ARHGEF33: variants seen among roughly 807,000 people sequenced by gnomAD.
ARHGEF33 encodes DH and coiled-coil domain-containing protein ENSP00000381780.
A neutral mutation model predicts 101.9 loss-of-function variants in ARHGEF33; 72 were observed. The ratio of observed to expected loss-of-function variants is 0.71; its 90% CI spans 0.58 to 0.86. ARHGEF33 has a LOEUF of 0.86. Among genes scored for constraint, ARHGEF33 ranks in the 40% least tolerant of loss-of-function variants. The pLI, the probability that ARHGEF33 is intolerant of heterozygous loss-of-function variation, is 0.00. For missense variants in ARHGEF33, 1,169 were observed against 1,111.3 expected (o/e 1.05, Z -0.74); for synonymous variants, 499 against 442.5 (o/e 1.13, Z -1.60).
chr2:38,913,209 GAAATACGTAGTTTCCTAGGA>G (rs943259235), intron 2 of ARHGEF33, among the ~76,000 whole-genome samples: 1 of 152,014 alleles, frequency 6.6e-6, no homozygotes, highest in African/African-American at 2.4e-5. Context: ...TGAACTTAAG[GAAATACGTAGTTTCCTAGGA>G]AAATACAAGT....
At chr2:38,935,535 T>C (rs1004055378) in intron 7 of ARHGEF33, among the ~76,000 whole-genome samples, 2 of 152,200 alleles carry the variant, frequency 1.3e-5, no homozygotes, top group Admixed American at 6.5e-5. Flanking sequence ...CTTCAAGCAG[T>C]TTACAAATAC....
At chr2:38,944,411 C>T (rs1667387489) in intron 10 of ARHGEF33, among the ~76,000 whole-genome samples, 1 of 152,062 alleles carries the variant, frequency 6.6e-6, no homozygotes, top group South Asian at 2.1e-4. Flanking sequence ...CCCTCAGGCC[C>T]CTTTTGTAGT....
At chr2:38,937,226 C>G in intron 8 of ARHGEF33, 109 bp from the exon 9 acceptor site, 1 of 629,904 alleles carries the variant, frequency 1.6e-6, no homozygotes, top group Non-Finnish European at 2.8e-6. Flanking sequence ...AATCTCCTGA[C>G]TTCGTGATCC....
At chr2:38,940,919 G>A (rs1180764278) in intron 9 of ARHGEF33, among the ~76,000 whole-genome samples, 1 of 152,114 alleles carries the variant, frequency 6.6e-6, no homozygotes, top group South Asian at 2.1e-4. Context: ...TCTGGGTGAG[G>A]GCCACAGGAC....
chr2:38,936,540 G>T (rs1023050691), intron 8 of ARHGEF33, among the ~76,000 whole-genome samples: 2 of 152,180 alleles, frequency 1.3e-5, no homozygotes, highest in East Asian at 3.9e-4. Context: ...TCCTTATATA[G>T]TAAAGACTAT....
intron 4 of ARHGEF33, among the ~76,000 whole-genome samples, chr2:38,926,462 T>A (rs1157107979): frequency 3.9e-5 from 6 of 152,058 alleles, no homozygotes; most frequent in African/African-American, 1.4e-4. Context: ...AAAAGTGACA[T>A]GTTGTATCAG....
In ARHGEF33 at chr2:38,956,982, A is replaced by G; in HGVS notation, c.1305A>G (p.Ser435=). The part of the protein sequence containing the change: ...VCVQRLRVFI[S]HYTLLFQCNE... The stretch of plus-strand genomic sequence containing the variant: ...TCCAGCGCCTCCGAGTATTTATCTC[A>G]CACTACACCCTGCTGTTTCAATGCA... Residue 435 remains serine, a synonymous_variant, in exon 14 of 18, where the codon TCA becomes TCG. Coordinates refer to ENST00000409978, the MANE Select transcript of ARHGEF33 (RefSeq NM_001145451.5). The G allele has an allele frequency of 6.4e-7, 1 of 1,551,956 alleles. No homozygotes were observed. The highest frequency in any genetic ancestry group is 8.7e-7 in the Non-Finnish European group (1 of 1,146,854).
rs1667115479 is a variant in ARHGEF33 at position 38,935,833 on chromosome 2, T to A, written c.564T>A (p.Pro188=). 5 of 1,549,974 alleles carry A rather than the reference T, an allele frequency of 3.2e-6. No individual in the cohort carries two copies. The African/African-American group carries it at 6.8e-5, about 21-fold the overall frequency. The stretch of plus-strand genomic sequence containing the variant: ...GTAATGTAAAAGGAATGATGGGTCC[T>A]GGTAAGTGACTCTTCTCTTAGTTTT... The part of the protein sequence containing the change: ...GDSNVKGMMG[P]GVNPTTPEAE... The change falls in exon 8 of 18, where the codon CCT becomes CCA. Residue 188 remains proline, a splice_region_variant and synonymous_variant. Coordinates refer to ENST00000409978, the MANE Select transcript of ARHGEF33 (RefSeq NM_001145451.5).
intron 10 of ARHGEF33, among the ~76,000 whole-genome samples, chr2:38,948,744 A>T (rs1452759679): frequency 6.6e-6 from 1 of 152,226 alleles, no homozygotes; most frequent in African/African-American, 2.4e-5. Context: ...ACACAAAGTC[A>T]TTTACAACCA....
intron 2 of ARHGEF33, among the ~76,000 whole-genome samples, chr2:38,897,176 A>C (rs1354148088): frequency 6.6e-6 from 1 of 152,178 alleles, no homozygotes; most frequent in Non-Finnish European, 1.5e-5. Flanking sequence ...GGCCTCCAAA[A>C]GTGCTGGGAT....
chr2:38,901,333 G>C (rs952850867), intron 2 of ARHGEF33, among the ~76,000 whole-genome samples: 2 of 152,076 alleles, frequency 1.3e-5, no homozygotes, highest in African/African-American at 4.8e-5. Flanking sequence ...CCTTCATCCC[G>C]CTCTAACACC....
chr2:38,924,586 A>T (rs530485419), intron 4 of ARHGEF33, among the ~76,000 whole-genome samples: 8 of 152,326 alleles, frequency 5.3e-5, no homozygotes, highest in African/African-American at 1.9e-4. Flanking sequence ...TAGGAATGTA[A>T]ACAGTGTGGC....
intron 10 of ARHGEF33, among the ~76,000 whole-genome samples, chr2:38,949,048 T>C (rs1667523817): frequency 6.6e-6 from 1 of 152,180 alleles, no homozygotes; most frequent in South Asian, 2.1e-4. Context: ...GTCTTCCTCA[T>C]ATCCTTTCAT....
rs183623259 is a variant in ARHGEF33, at chr2:38,960,076, G to T, written c.1771G>T (p.Val591Leu). 33,477 of 1,542,306 alleles carry T rather than the reference G, an allele frequency of 0.022. 412 individuals are homozygous for T. Among genetic ancestry groups the T allele is most frequent in the Non-Finnish European group, 0.025 (28,157 of 1,143,904 alleles). Residue 591 changes from valine to leucine, a missense_variant, in exon 16 of 18, where the codon GTG becomes TTG. Coordinates refer to ENST00000409978, the MANE Select transcript of ARHGEF33 (RefSeq NM_001145451.5). ...ESSPAEPLGN[V>L]ERSLRAPAEL... is the part of the protein sequence containing the mutation. Reference sequence around the variant, plus strand: ...CTCTCCGGCGGAGCCGCTGGGCAACGTGGAGCGCTCCCTGCGCGCCCCGGC... The same window carrying T: ...CTCTCCGGCGGAGCCGCTGGGCAACTTGGAGCGCTCCCTGCGCGCCCCGGC...
intron 9 of ARHGEF33, among the ~76,000 whole-genome samples, chr2:38,942,493 G>C (rs1667340177): frequency 1.5e-5 from 2 of 132,504 alleles, no homozygotes; most frequent in African/African-American, 5.4e-5. Flanking sequence ...TTTAAGAAAG[G>C]GAGATTTCTT....
At chr2:38,928,760 A>C in intron 4 of ARHGEF33, 147 bp from the exon 5 acceptor site, 1 of 650,384 alleles carries the variant, frequency 1.5e-6, no homozygotes, top group Non-Finnish European at 2.5e-6. Context: ...GGGTTGTCTT[A>C]AGTTGTCCAA....
rs766457374 is a variant in ARHGEF33 at position 38,954,422 on chromosome 2, T to G, written c.1187T>G (p.Val396Gly). The change falls in exon 13 of 18, where the codon GTC (valine) becomes GGC (glycine). Residue 396 changes from valine to glycine, a missense_variant. Coordinates refer to ENST00000409978, the MANE Select transcript of ARHGEF33 (RefSeq NM_001145451.5). ...ATCTACACGTTGTTTTTTCACATAG[T>G]CCAGCGCATCCCTGAATATCTGATA... ...SDIYTLFFHI[V>G]QRIPEYLIHL... is the part of the protein sequence containing the mutation. 6.4e-7 allele frequency: 1 copy of G among 1,551,136 alleles called. No homozygotes were observed. The highest frequency in any genetic ancestry group is 8.7e-7 in the Non-Finnish European group (1 of 1,146,470).
At chr2:38,915,996 A>G (rs1409984291) in intron 2 of ARHGEF33, among the ~76,000 whole-genome samples, 1 of 152,190 alleles carries the variant, frequency 6.6e-6, no homozygotes, top group Non-Finnish European at 1.5e-5. Context: ...ATTGCACTCC[A>G]GCCTGGGAAG....
At chr2:38,921,095 T>A (rs1666746233) in intron 3 of ARHGEF33, among the ~76,000 whole-genome samples, 1 of 152,220 alleles carries the variant, frequency 6.6e-6, no homozygotes, top group South Asian at 2.1e-4. Flanking sequence ...TATTTAATAA[T>A]CACACATCAT....
Sources: gnomAD v4.1 joint callset for allele counts (sites outside exome capture counted in the v4.1 genomes callset) on GRCh38, gnomAD v4.1.1 for gene constraint, MANE v1.5 for transcripts, NCBI Gene and HGNC (gene_info 2026-07-23, HGNC 2026-07-21) for gene names.